The following ARHGAP21 variants were observed in gnomAD, a reference collection of about 807,000 sequenced individuals.
The protein encoded by ARHGAP21 is Rho GTPase activating protein 21, also known as rho GTPase-activating protein 21.
In ARHGAP21, 38 loss-of-function variants were observed where a neutral mutation model predicts 164.6. The ratio of observed to expected loss-of-function variants is 0.23; its 90% confidence interval spans 0.18 to 0.30. ARHGAP21 has a LOEUF of 0.30. Ranked by LOEUF, ARHGAP21 falls within the 10% of genes least tolerant of loss-of-function variation. ARHGAP21 has a pLI of 1.00. For synonymous variants in ARHGAP21, 766 were observed against 857.9 expected, an observed-to-expected ratio of 0.89 and a Z score of 1.87; for missense variants, 1,822 against 2,370.7, an observed-to-expected ratio of 0.77 and a Z score of 4.81.
intron 9 of ARHGAP21, among the ~76,000 whole-genome samples, chr10:24,617,657 T>C (rs912400469): frequency 1.4e-5 from 2 of 137,970 alleles, no homozygotes; most frequent in African/African-American, 5.0e-5. Flanking sequence ...AAGCTTTTAG[T>C]GTCACCTATC....
Position 24,721,846 on chromosome 10 carries a change from C to G in ARHGAP21, c.54G>C (p.Lys18Asn), listed in dbSNP as rs1224978410. 1 of 1,614,258 alleles carries G rather than the reference C, an allele frequency of 6.2e-7. No homozygotes were observed. The change falls in exon 2 of 26, where the codon AAG (lysine) becomes AAC (asparagine). Residue 18 changes from lysine (K) to asparagine (N), a missense_variant. Coordinates refer to ENST00000396432, the MANE Select transcript of ARHGAP21 (RefSeq NM_020824.4). ...GLSEGDGDKLKACEVSKNKDG... is the reference protein window; with the variant it reads ...GLSEGDGDKLNACEVSKNKDG... ...CTGGCTCCGCGCTTACCTCGCAGGC[C>G]TTGAGCTTGTCACCATCTCCCTCAG...
At chr10:24,609,241 T>A in intron 9 of ARHGAP21, among the ~76,000 whole-genome samples, 1 of 152,212 alleles carries the variant, frequency 6.6e-6, no homozygotes, top group East Asian at 1.9e-4. Flanking sequence ...ATTCAAATTG[T>A]GCATGGATTA....
chr10:24,695,890 G>A lies in ARHGAP21; in HGVS notation c.64-25493C>T, dbSNP rs936118465. On this transcript the variant is annotated intron_variant, in intron 2 of 25. Transcript: ENST00000396432. ...CCCAGGCAAGTCTCAAGATGACTGC[G>A]GTTCTGGCTGATGCCATGATGACAG... Among the ~76,000 whole-genome samples, 11 of 152,292 alleles carry A rather than the reference G, an allele frequency of 7.2e-5. No homozygotes were observed. In the East Asian group the frequency reaches 7.7e-4, roughly 11 times the overall value.
chr10:24,709,412 A>C (rs1301339781), intron 2 of ARHGAP21, among the ~76,000 whole-genome samples: 1 of 152,156 alleles, frequency 6.6e-6, no homozygotes, highest in African/African-American at 2.4e-5. Flanking sequence ...TCCCTAACTC[A>C]TTCTATGAGG....
At chr10:24,668,798 C>A (rs1840431020) in intron 3 of ARHGAP21, among the ~76,000 whole-genome samples, 1 of 151,956 alleles carries the variant, frequency 6.6e-6, no homozygotes, top group South Asian at 2.1e-4. Context: ...ACTAAAATTT[C>A]TAGAAATATT....
intron 3 of ARHGAP21, among the ~76,000 whole-genome samples, chr10:24,667,214 T>C (rs1565130361): frequency 2.0e-5 from 3 of 152,158 alleles, no homozygotes; most frequent in Admixed American, 6.5e-5. Context: ...AATAACAGTA[T>C]AGGAAGTACC....
chr10:24,639,815 T>C (rs188562010), intron 4 of ARHGAP21, among the ~76,000 whole-genome samples: 134 of 152,274 alleles, frequency 8.8e-4, no homozygotes, highest in African/African-American at 3.2e-3. Context: ...GTTAAATCTC[T>C]AGTGACCTCC....
chr10:24,623,161 C>A (rs1415244814), intron 7 of ARHGAP21, among the ~76,000 whole-genome samples: 1 of 152,182 alleles, frequency 6.6e-6, no homozygotes, highest in African/African-American at 2.4e-5. Context: ...AACGAATGCT[C>A]TATTATGCAT....
At chr10:24,661,933 G>T (rs1011315853) in intron 4 of ARHGAP21, among the ~76,000 whole-genome samples, 6 of 152,236 alleles carry the variant, frequency 3.9e-5, no homozygotes, top group Admixed American at 1.3e-4. Context: ...GGCTAAACAG[G>T]CCTTTGTGAA....
chr10:24,617,441 C>T (rs892812983), intron 9 of ARHGAP21, among the ~76,000 whole-genome samples: 12 of 152,004 alleles, frequency 7.9e-5, no homozygotes. Flanking sequence ...AACAATCATT[C>T]GTCATCAGTT....
chr10:24,627,767 C>G (rs8181350), intron 7 of ARHGAP21, among the ~76,000 whole-genome samples: 152,370 of 152,374 alleles, frequency 1, 76,183 homozygotes, highest in Middle Eastern at 1. Flanking sequence ...TAAGTGACCT[C>G]TTTTTCCATT....
intron 9 of ARHGAP21, among the ~76,000 whole-genome samples, chr10:24,608,927 A>C (rs964577150): frequency 1.3e-5 from 2 of 152,196 alleles, no homozygotes; most frequent in Non-Finnish European, 2.9e-5. Context: ...TGAAGTTTTA[A>C]AAATTCAATG....
intron 3 of ARHGAP21, 81 bp from the exon 4 acceptor site, chr10:24,667,090 C>G: frequency 5.5e-6 from 4 of 724,146 alleles, no homozygotes; most frequent in Non-Finnish European, 8.6e-6. Flanking sequence ...CAATTTAATT[C>G]AAATCGACCT....
chr10:24,668,217 G>C (rs184756272), intron 3 of ARHGAP21, among the ~76,000 whole-genome samples: 2 of 152,190 alleles, frequency 1.3e-5, no homozygotes, highest in Non-Finnish European at 2.9e-5. Flanking sequence ...GTTAACAAGC[G>C]TAAGCATGTC....
intron 8 of ARHGAP21, 122 bp downstream of exon 8, chr10:24,622,611 G>T: frequency 1.9e-6 from 2 of 1,040,364 alleles, no homozygotes; most frequent in Non-Finnish European, 2.7e-6. Flanking sequence ...AAATTAGTAA[G>T]ATTAACACGA....
At position 24,607,888 on chromosome 10, in the gene ARHGAP21, G is replaced by C. The variant is rs2077096263; in HGVS notation, c.2438C>G (p.Pro813Arg). 1 of 1,600,938 alleles carries C rather than the reference G, an allele frequency of 6.2e-7. No homozygotes were observed. ...SIPFIDEPTS[P>R]SIDHDIAHIP... is the part of the protein sequence containing the mutation. Reference sequence around the variant, plus strand: ...ATGTGCAATATCATGATCAATGCTAGGGCTAGTTGGTTCATCTGTAAGAAA... The same window carrying C: ...ATGTGCAATATCATGATCAATGCTACGGCTAGTTGGTTCATCTGTAAGAAA... The change falls in exon 10 of 26, where the codon CCT (proline) becomes CGT (arginine). Residue 813 changes from proline to arginine, a missense_variant. Coordinates refer to ENST00000396432, the MANE Select transcript of ARHGAP21 (RefSeq NM_020824.4).
At chr10:24,703,952 G>A (rs1488247247) in intron 2 of ARHGAP21, among the ~76,000 whole-genome samples, 2 of 152,128 alleles carry the variant, frequency 1.3e-5, no homozygotes, top group African/African-American at 4.8e-5. Context: ...TCACTATTTT[G>A]AAAACCTTGA....
intron 2 of ARHGAP21, among the ~76,000 whole-genome samples, chr10:24,671,461 G>A (rs1366614788): frequency 1.3e-5 from 2 of 151,932 alleles, no homozygotes; most frequent in Non-Finnish European, 2.9e-5. Context: ...GCAATAAAAT[G>A]AGAACTGAAT....
rs185147580 is a variant in ARHGAP21, at chr10:24,609,131, A to G, written c.2423-1228T>C. The stretch of plus-strand genomic sequence containing the variant: ...GAAGAGGAATACACTGTATTCTTCA[A>G]AAAGTATCTGACTCATGCAGTATGA... On this transcript the variant is annotated intron_variant, in intron 9 of 25. Transcript: ENST00000396432. Among the ~76,000 whole-genome samples the G allele has an allele frequency of 1.6e-3, 251 of 152,344 alleles. 3 individuals are homozygous for G. Among genetic ancestry groups the G allele is most frequent in the Non-Finnish European group, 1.5e-3 (100 of 68,026 alleles).
Sources: gnomAD v4.1 joint callset for allele counts (sites outside exome capture counted in the v4.1 genomes callset) on GRCh38, gnomAD v4.1.1 for gene constraint, MANE v1.5 for transcripts, NCBI Gene and HGNC (gene_info 2026-07-23, HGNC 2026-07-21) for gene names.